The following NBAS variants were observed in gnomAD, a reference collection of about 807,000 sequenced individuals.
NBAS encodes NAG/BC035112 fusion.
A neutral mutation model predicts 302.5 loss-of-function variants in NBAS; 219 were observed. That is an observed-to-expected ratio of 0.72 (90% CI 0.65 to 0.81). The LOEUF is 0.81. Ranked by LOEUF, NBAS falls within the 30% of genes least tolerant of loss-of-function variation. The pLI, the probability that NBAS is intolerant of heterozygous loss-of-function variation, is 0.00. For synonymous variants in NBAS, 1,118 were observed against 1,021.6 expected (o/e 1.09, Z -1.80); for missense variants, 2,932 against 2,841.6 (o/e 1.03, Z -0.72).
chr2:14,801,155 GT>G, the NBAS span, among the ~76,000 whole-genome samples: 1 of 151,982 alleles, frequency 6.6e-6, no homozygotes, highest in Admixed American at 6.6e-5. Flanking sequence ...TTTAGCACTG[GT>G]TTTAAGCAAT....
chr2:15,059,308 G>A, the NBAS span, among the ~76,000 whole-genome samples: 1 of 152,182 alleles, frequency 6.6e-6, no homozygotes, highest in Non-Finnish European at 1.5e-5. Flanking sequence ...CATAACTGCT[G>A]TACAGTAAAT....
At chr2:15,511,903 C>T (rs1167087618) in intron 9 of NBAS, among the ~76,000 whole-genome samples, 3 of 152,202 alleles carry the variant, frequency 2.0e-5, no homozygotes, top group Admixed American at 6.5e-5. Flanking sequence ...CAGTTACCAA[C>T]AGGGCAAACA....
rs532502854 is a variant in NBAS at position 15,556,296 on chromosome 2, CATA to C, written c.209+484_209+486del. 4.1e-4 allele frequency among the ~76,000 whole-genome samples: 62 copies of C among 152,162 alleles called. No individual in the cohort carries two copies. In the South Asian group the frequency reaches 0.011, roughly 28 times the overall value. ...AAAAGCAGAATTATAACTTTTTTGT[CATA>C]ATAATAATTTCTTTGTTCTTTCTAA... On this transcript the variant is annotated intron_variant, in intron 3 of 51. Transcript: ENST00000281513.
chr2:14,785,456 T>G, the NBAS span, among the ~76,000 whole-genome samples: 8 of 152,274 alleles, frequency 5.3e-5, no homozygotes, highest in Middle Eastern at 6.8e-3. Context: ...GGCTGTGGGT[T>G]TGTCATAGAT....
intron 35 of NBAS, among the ~76,000 whole-genome samples, chr2:15,331,061 T>G (rs1672321451): frequency 6.6e-6 from 1 of 152,210 alleles, no homozygotes; most frequent in Admixed American, 6.5e-5. Flanking sequence ...GGTATTTTAT[T>G]TTTTACCAAT....
intron 6 of NBAS, among the ~76,000 whole-genome samples, chr2:15,546,420 T>C (rs772259073): frequency 9.2e-5 from 14 of 152,322 alleles, no homozygotes; most frequent in Middle Eastern, 6.8e-3. Context: ...TGGAACAAAA[T>C]GCTTCATTTC....
At chr2:15,292,796 TACCA>T (rs1260547192) in intron 40 of NBAS, 30 bp from the exon 41 acceptor site, 1 of 1,601,750 alleles carries the variant, frequency 6.2e-7, no homozygotes. Flanking sequence ...GAAGACATTT[TACCA>T]ACATCATACA....
At chr2:15,386,360 C>T (rs543975003) in intron 28 of NBAS, among the ~76,000 whole-genome samples, 1 of 152,304 alleles carries the variant, frequency 6.6e-6, no homozygotes, top group East Asian at 1.9e-4. Flanking sequence ...GTTTTTACTG[C>T]TGGATTTTAT....
chr2:15,329,532 T>C (rs1672225775), intron 36 of NBAS, among the ~76,000 whole-genome samples: 1 of 152,188 alleles, frequency 6.6e-6, no homozygotes. Flanking sequence ...CACAATTGCA[T>C]TGCTGAAATT....
chr2:15,163,030 T>C (rs1006019272), downstream of NBAS, among the ~76,000 whole-genome samples: 5 of 152,208 alleles, frequency 3.3e-5, no homozygotes, highest in African/African-American at 1.2e-4. Context: ...ACAGATCTCG[T>C]GCCACGGGCC....
downstream of NBAS, among the ~76,000 whole-genome samples, chr2:15,166,065 G>A (rs566487220): frequency 1.3e-3 from 203 of 152,274 alleles, no homozygotes; most frequent in Non-Finnish European, 2.4e-3. Flanking sequence ...CAGGGGGGGC[G>A]AAGTCTAGAG....
At chr2:15,331,074 A>G (rs904384449) in intron 35 of NBAS, among the ~76,000 whole-genome samples, 3 of 152,212 alleles carry the variant, frequency 2.0e-5, no homozygotes, top group Non-Finnish European at 4.4e-5. Flanking sequence ...TTACCAATCT[A>G]ATATCCTAAC....
intron 12 of NBAS, among the ~76,000 whole-genome samples, chr2:15,488,431 T>A (rs1680723576): frequency 6.6e-6 from 1 of 152,154 alleles, no homozygotes; most frequent in Middle Eastern, 3.2e-3. Context: ...AACAAAGAGT[T>A]CCATCCTTCT....
intron 48 of NBAS, among the ~76,000 whole-genome samples, chr2:15,206,822 AC>A (rs1321495745): frequency 2.0e-5 from 3 of 152,196 alleles, no homozygotes; most frequent in Non-Finnish European, 2.9e-5. Context: ...GGGAGCCTTT[AC>A]CTAGATTTCA....
chr2:15,156,512 C>T, the NBAS span, among the ~76,000 whole-genome samples: 3 of 152,160 alleles, frequency 2.0e-5, no homozygotes, highest in African/African-American at 4.8e-5. Context: ...CTGGTGAGGG[C>T]CTGTTCCTCA....
chr2:14,923,167 A>G, the NBAS span, among the ~76,000 whole-genome samples: 1 of 152,004 alleles, frequency 6.6e-6, no homozygotes, highest in East Asian at 1.9e-4. Flanking sequence ...AACAAAAAAA[A>G]GTATTCATTC....
At chr2:15,396,531 A>G in intron 26 of NBAS, 56 bp from the exon 27 acceptor site, 1 of 1,201,478 alleles carries the variant, frequency 8.3e-7, no homozygotes, top group Non-Finnish European at 1.2e-6. Context: ...TAGCTTTTTA[A>G]ATAAAATACA....
chr2:14,959,106 T>C, the NBAS span, among the ~76,000 whole-genome samples: 1 of 152,192 alleles, frequency 6.6e-6, no homozygotes, highest in Non-Finnish European at 1.5e-5. Context: ...GACGCCTGTG[T>C]TTGTGTCCTT....
chr2:15,034,180 TGAAA>T, the NBAS span, among the ~76,000 whole-genome samples: 445 of 24,688 alleles, frequency 0.018, 6 homozygotes, highest in African/African-American at 0.11. Flanking sequence ...AGAAGAAGAA[TGAAA>T]GAAAGAGAAA....
Sources: gnomAD v4.1 joint callset for allele counts (sites outside exome capture counted in the v4.1 genomes callset) on GRCh38, gnomAD v4.1.1 for gene constraint, MANE v1.5 for transcripts, NCBI Gene and HGNC (gene_info 2026-07-23, HGNC 2026-07-21) for gene names.